CDH13: variants seen among roughly 807,000 people sequenced by gnomAD.
CDH13 encodes the protein cadherin-13.
CDH13 carries 24 observed loss-of-function variants against 63.8 expected under a neutral mutation model. That is an observed-to-expected ratio of 0.38 (90% CI 0.27 to 0.53). The LOEUF (loss-of-function observed/expected upper bound fraction) is 0.53. CDH13 is among the 20% of genes least tolerant of loss of function. The pLI is 0.85. For synonymous variants in CDH13, 503 were observed against 355.3 expected (o/e 1.42, Z -4.67); for missense variants, 1,049 against 903.1 (o/e 1.16, Z -2.07).
At chr16:83,102,871 G>GA (rs1376403008) in intron 3 of CDH13, among the ~76,000 whole-genome samples, 1 of 149,566 alleles carries the variant, frequency 6.7e-6, no homozygotes, top group African/African-American at 2.5e-5. Context: ...GGCTGAACTG[G>GA]AAGAGACAGT....
intron 8 of CDH13, among the ~76,000 whole-genome samples, chr16:83,635,763 CG>C (rs1911203995): frequency 6.6e-6 from 1 of 151,984 alleles, no homozygotes; most frequent in Non-Finnish European, 1.5e-5. Flanking sequence ...CTTGTCTGTT[CG>C]TTATCTTAAT....
chr16:83,357,964 C>A (rs1017860500), intron 6 of CDH13, among the ~76,000 whole-genome samples: 1 of 152,134 alleles, frequency 6.6e-6, no homozygotes, highest in Non-Finnish European at 1.5e-5. Context: ...TGTGTTATCT[C>A]ATTGACTTGC....
intron 2 of CDH13, among the ~76,000 whole-genome samples, chr16:83,026,908 G>T (rs1283182380): frequency 6.6e-6 from 1 of 152,156 alleles, no homozygotes; most frequent in Non-Finnish European, 1.5e-5. Flanking sequence ...CTAGGTCAGA[G>T]CTAAGCAGAG....
At chr16:83,662,019 G>A (rs1913485925) in intron 8 of CDH13, among the ~76,000 whole-genome samples, 1 of 152,258 alleles carries the variant, frequency 6.6e-6, no homozygotes, top group Middle Eastern at 3.4e-3. Context: ...TTTCAACCCA[G>A]GATCACCCTG....
chr16:83,570,778 ATATATTT>A (rs1181205839), intron 7 of CDH13, among the ~76,000 whole-genome samples: 16 of 141,958 alleles, frequency 1.1e-4, no homozygotes, highest in Admixed American at 7.9e-4. Context: ...TATGAATAAA[ATATATTT>A]TATATTTTAT....
intron 1 of CDH13, among the ~76,000 whole-genome samples, chr16:82,759,098 G>A (rs1168640939): frequency 6.6e-6 from 1 of 152,130 alleles, no homozygotes; most frequent in Non-Finnish European, 1.5e-5. Context: ...CTGGCTCCCT[G>A]GGGTCTCTCT....
intron 9 of CDH13, among the ~76,000 whole-genome samples, chr16:83,671,830 C>G (rs1914524220): frequency 6.6e-6 from 1 of 152,212 alleles, no homozygotes; most frequent in Non-Finnish European, 1.5e-5. Flanking sequence ...TGTAAAACCT[C>G]TAGCTCATGC....
chr16:82,636,925 C>G (rs1006412645), intron 1 of CDH13, among the ~76,000 whole-genome samples: 3 of 152,208 alleles, frequency 2.0e-5, no homozygotes, highest in African/African-American at 7.2e-5. Flanking sequence ...CACCATGGAC[C>G]TGGATCCTGT....
At chr16:83,115,580 A>G (rs918294604) in intron 3 of CDH13, among the ~76,000 whole-genome samples, 2 of 152,236 alleles carry the variant, frequency 1.3e-5, no homozygotes, top group Admixed American at 6.5e-5. Context: ...CTTGGAAGCA[A>G]ATCCAGTCTT....
At chr16:83,580,693 T>G (rs1016684767) in intron 7 of CDH13, among the ~76,000 whole-genome samples, 6 of 152,126 alleles carry the variant, frequency 3.9e-5, no homozygotes, top group Non-Finnish European at 8.8e-5. Flanking sequence ...GACAGGGTTT[T>G]GCTGTGTTGC....
intron 2 of CDH13, among the ~76,000 whole-genome samples, chr16:82,974,619 G>C (rs1187666554): frequency 6.6e-6 from 1 of 152,134 alleles, no homozygotes; most frequent in African/African-American, 2.4e-5. Flanking sequence ...GAGAGATCAT[G>C]TTGGACGATG....
chr16:83,719,811 T>C (rs1044737202), intron 10 of CDH13, among the ~76,000 whole-genome samples: 1 of 152,146 alleles, frequency 6.6e-6, no homozygotes, highest in Non-Finnish European at 1.5e-5. Context: ...ACAGCCACTA[T>C]GGAATACACT....
intron 6 of CDH13, among the ~76,000 whole-genome samples, chr16:83,409,268 C>T (rs2092092293): frequency 6.6e-6 from 1 of 151,802 alleles, no homozygotes; most frequent in Non-Finnish European, 1.5e-5. Context: ...GTGGATATGC[C>T]AATCCCATTC....
intron 2 of CDH13, among the ~76,000 whole-genome samples, chr16:82,994,410 G>T (rs555765242): frequency 6.6e-6 from 1 of 152,068 alleles, no homozygotes; most frequent in Non-Finnish European, 1.5e-5. Flanking sequence ...CTACCTTTAG[G>T]GAGGGGCAGG....
chr16:82,670,724 C>G (rs571306055), intron 1 of CDH13, among the ~76,000 whole-genome samples: 2 of 152,272 alleles, frequency 1.3e-5, no homozygotes, highest in Admixed American at 6.5e-5. Flanking sequence ...ATGGATTTCC[C>G]TTTAATAAAT....
chr16:83,025,231 A>T (rs1333428786), intron 2 of CDH13, among the ~76,000 whole-genome samples: 2 of 152,218 alleles, frequency 1.3e-5, no homozygotes, highest in South Asian at 2.1e-4. Flanking sequence ...TTTCAGGAGG[A>T]TGCCCACTCT....
chr16:83,470,286 A>G (rs1427855501), intron 6 of CDH13, among the ~76,000 whole-genome samples: 1 of 152,062 alleles, frequency 6.6e-6, no homozygotes, highest in Non-Finnish European at 1.5e-5. Context: ...CGAACTCCTG[A>G]GCTCAAACAA....
intron 6 of CDH13, among the ~76,000 whole-genome samples, chr16:83,442,971 A>T (rs951560083): frequency 1.2e-4 from 19 of 152,352 alleles, no homozygotes; most frequent in Middle Eastern, 3.4e-3. Flanking sequence ...TTTCCTAAAC[A>T]GCTGAATTAT....
chr16:82,764,528 T>C (rs754164497), intron 1 of CDH13, among the ~76,000 whole-genome samples: 2 of 152,190 alleles, frequency 1.3e-5, no homozygotes, highest in Non-Finnish European at 2.9e-5. Flanking sequence ...AGATCTAATA[T>C]ACAGCCTTAG....
Sources: allele counts gnomAD v4.1 joint callset (sites outside exome capture counted in the v4.1 genomes callset), GRCh38; gene constraint gnomAD v4.1.1; transcripts MANE v1.5; gene names NCBI Gene and HGNC (gene_info 2026-07-23, HGNC 2026-07-21).